The following AKR1A1 variants were observed in gnomAD, a reference collection of about 807,000 sequenced individuals.
The protein encoded by AKR1A1 is HEL-S-165mP.
Under a neutral mutation model 39.2 loss-of-function variants are expected in AKR1A1, and 26 were observed. The ratio of observed to expected loss-of-function variants is 0.66; its 90% CI spans 0.49 to 0.92. The LOEUF (loss-of-function observed/expected upper bound fraction) is 0.92. Ranked by LOEUF, AKR1A1 falls within the 40% of genes least tolerant of loss-of-function variation. AKR1A1 has a pLI of 0.00. For missense variants in AKR1A1, 378 were observed against 406.5 expected (o/e 0.93, Z 0.60); for synonymous variants, 141 against 155.5 (o/e 0.91, Z 0.69).
chr1:45,569,599 G>T (rs1448308585), intron 8 of AKR1A1, among the ~76,000 whole-genome samples: 2 of 152,188 alleles, frequency 1.3e-5, no homozygotes, highest in African/African-American at 2.4e-5. Flanking sequence ...CGAGGGATTG[G>T]GGTTGGGAGG....
chr1:45,554,658 T>G (rs749479660), intron 1 of AKR1A1, among the ~76,000 whole-genome samples: 14 of 152,176 alleles, frequency 9.2e-5, no homozygotes, highest in Non-Finnish European at 1.9e-4. Context: ...CATAAATGCC[T>G]GCAAGGAACT....
At chr1:45,562,805 C>T (rs542091923) in intron 2 of AKR1A1, among the ~76,000 whole-genome samples, 5 of 152,070 alleles carry the variant, frequency 3.3e-5, no homozygotes, top group East Asian at 2.0e-4. Context: ...CCACCTTGCC[C>T]GGCCACAAAC....
chr1:45,568,487 G>A lies in AKR1A1; in HGVS notation c.555G>A (p.Val185=), dbSNP rs1644374160. 6 of 1,613,598 alleles carry A rather than the reference G, an allele frequency of 3.7e-6. No individual in the cohort carries two copies. The highest frequency in any genetic ancestry group is 2.2e-5 in the East Asian group (1 of 44,886). Residue 185 remains valine, a splice_region_variant and synonymous_variant, in exon 6 of 9, where the codon GTG becomes GTA. Coordinates refer to ENST00000351829, the MANE Select transcript of AKR1A1 (RefSeq NM_153326.3). ...TGATGGGTTATTCTTTGGCTCAGGTGGAATGCCACCCATACTTGGCTCAAA... is the reference window on the plus strand; with the variant it reads ...TGATGGGTTATTCTTTGGCTCAGGTAGAATGCCACCCATACTTGGCTCAAA... ...VASVRPAVLQ[V]ECHPYLAQNE...
intron 2 of AKR1A1, 140 bp downstream of exon 2, chr1:45,562,018 C>T: frequency 3.8e-6 from 3 of 794,898 alleles, no homozygotes; most frequent in South Asian, 3.5e-5. Context: ...ACATCCTGGG[C>T]TTCCCCAGCT....
At chr1:45,555,615 C>T (rs557368177) in intron 1 of AKR1A1, among the ~76,000 whole-genome samples, 41 of 152,200 alleles carry the variant, frequency 2.7e-4, no homozygotes, top group African/African-American at 9.6e-4. Context: ...AATACTATGC[C>T]ATTTTATATA....
rs1416351373 is a variant in AKR1A1 at position 45,559,642 on chromosome 1, T to C, written c.-6-2147T>C. Among the ~76,000 whole-genome samples the C allele has an allele frequency of 3.2e-5, 4 of 124,126 alleles. No individual in the cohort carries two copies. The East Asian group carries it at 6.9e-4, about 21-fold the overall frequency. 81.4% of individuals were successfully genotyped at this position (124,126 alleles called of 152,430 possible). Reference sequence around the variant, plus strand: ...CTTTTCTCTTTTCTTTTCTTTTTTTTTTTTTTTTTTTTTTTTTTTGAGACG... The same window carrying C: ...CTTTTCTCTTTTCTTTTCTTTTTTTCTTTTTTTTTTTTTTTTTTTGAGACG... On this transcript the variant is annotated intron_variant, in intron 1 of 8. Coordinates refer to ENST00000351829, the MANE Select transcript of AKR1A1 (RefSeq NM_153326.3).
intron 1 of AKR1A1, 128 bp from the exon 2 acceptor site, chr1:45,561,661 C>A: frequency 1.2e-6 from 1 of 868,252 alleles, no homozygotes; most frequent in Admixed American, 2.3e-5. Flanking sequence ...GCCTCAGCCT[C>A]CCAAAGTGCT....
At chr1:45,569,284 C>T (rs1644385474) in intron 8 of AKR1A1, 55 bp downstream of exon 8, 1 of 1,477,862 alleles carries the variant, frequency 6.8e-7, no homozygotes, top group Admixed American at 1.7e-5. Flanking sequence ...GGGTGGGATT[C>T]TGGCCCAGGT....
intron 2 of AKR1A1, among the ~76,000 whole-genome samples, chr1:45,566,271 G>A (rs1644342557): frequency 6.6e-6 from 1 of 152,054 alleles, no homozygotes. Context: ...ACCACACCTG[G>A]CTAATTTTGT....
intron 4 of AKR1A1, chr1:45,567,671 C>G (rs548642295): frequency 5.3e-6 from 1 of 189,540 alleles, no homozygotes; most frequent in African/African-American, 2.4e-5. Context: ...ACTAAAAATA[C>G]AAAAAATTAG....
At chr1:45,560,853 A>G (rs1251819600) in intron 1 of AKR1A1, among the ~76,000 whole-genome samples, 2 of 150,010 alleles carry the variant, frequency 1.3e-5, no homozygotes, top group East Asian at 4.0e-4. Flanking sequence ...TCAGCCTCCC[A>G]GGTAGCTGGG....
chr1:45,568,603 A>T lies in AKR1A1; in HGVS notation c.671A>T (p.Asp224Val), dbSNP rs1417957195. The part of the protein sequence containing the change: ...GSSDRAWRDP[D>V]EPVLLEEPVV... ...TCTGATCGTGCATGGCGTGATCCTG[A>T]TGAGCCTGTCCTGCTGGAGGAACCA... Residue 224 changes from aspartate (D) to valine (V), a missense_variant, in exon 6 of 9, where the codon GAT becomes GTT. Physicochemically the swap from Asp to Val is radical, Grantham distance 152. Transcript: ENST00000351829. 6.2e-7 allele frequency: 1 copy of T among 1,614,020 alleles called. No homozygotes were observed. The highest frequency in any genetic ancestry group is 1.1e-5 in the South Asian group (1 of 91,068).
chr1:45,565,807 G>T (rs1157536860), intron 2 of AKR1A1, among the ~76,000 whole-genome samples: 5 of 151,024 alleles, frequency 3.3e-5, no homozygotes, highest in African/African-American at 1.2e-4. Flanking sequence ...AGAGGTGGGG[G>T]TCTCACTATG....
rs142528864 is a variant in AKR1A1, at chr1:45,563,947, G to A, written c.84+2069G>A. Among the ~76,000 whole-genome samples the A allele has an allele frequency of 4.5e-4, 69 of 152,362 alleles. 1 individual carries two copies. The highest frequency in any genetic ancestry group is 7.5e-4 in the Non-Finnish European group (51 of 68,046). On this transcript the variant is annotated intron_variant, in intron 2 of 8. Coordinates refer to ENST00000351829, the MANE Select transcript of AKR1A1 (RefSeq NM_153326.3). ...ATGGACCTGCTCTCTCAGGGTGGACGTAGCTATGAGATTTGGCTCCTGCCT... is the reference window on the plus strand; with the variant it reads ...ATGGACCTGCTCTCTCAGGGTGGACATAGCTATGAGATTTGGCTCCTGCCT...
rs1264695528 is a variant in AKR1A1, at chr1:45,556,836, C to T, written c.-6-4953C>T. On this transcript the variant is annotated intron_variant, in intron 1 of 8. Coordinates refer to ENST00000351829, the MANE Select transcript of AKR1A1 (RefSeq NM_153326.3). ...AGGTTGTGGTGAGCCAAGATTGCGT[C>T]ATTGCCCTCCAGCCTGGGCAAGAAG... Among the ~76,000 whole-genome samples, 6 of 151,810 alleles carry T rather than the reference C, an allele frequency of 4.0e-5. No homozygotes were observed. The East Asian group carries it at 1.2e-3, about 29-fold the overall frequency.
In AKR1A1 at chr1:45,566,879, G is replaced by T. The variant is rs147072115; in HGVS notation, c.215G>T (p.Arg72Leu). ...EDVGPGKAVP[R>L]EELFVTSKLW... ...TGCCCCCTGCACTAGGCGGTGCCTC[G>T]GGAGGAGCTGTTTGTGACATCCAAG... Residue 72 changes from arginine to leucine, a missense_variant, in exon 4 of 9, where the codon CGG becomes CTG. Transcript: ENST00000351829. 1.2e-6 allele frequency: 2 copies of T among 1,613,876 alleles called. No individual in the cohort carries two copies. Among genetic ancestry groups the T allele is most frequent in the East Asian group, 4.5e-5 (2 of 44,884 alleles).
intron 2 of AKR1A1, 149 bp from the exon 3 acceptor site, chr1:45,566,420 G>T: frequency 1.6e-6 from 2 of 1,233,438 alleles, no homozygotes; most frequent in Non-Finnish European, 2.2e-6. Flanking sequence ...GAGCCACCGC[G>T]CCCAGTTCAT....
At position 45,568,673 on chromosome 1, in the gene AKR1A1, G is replaced by C; in HGVS notation, c.741G>C (p.Gln247His). ...LAEKYGRSPA[Q>H]ILLRWQVQRK... ...AAAAGTATGGCCGATCTCCAGCTCA[G>C]ATCTTGCTCAGGTATGGGGCAGTCT... The change falls in exon 6 of 9, where the codon CAG becomes CAC. Residue 247 changes from glutamine to histidine, a missense_variant. Physicochemically the swap from Gln to His is conservative, Grantham distance 24. Transcript: ENST00000351829. The C allele has an allele frequency of 6.2e-7, 1 of 1,613,560 alleles. No homozygotes were observed. The highest frequency in any genetic ancestry group is 8.5e-7 in the Non-Finnish European group (1 of 1,179,878).
At chr1:45,566,793 C>G in intron 3 of AKR1A1, 76 bp from the exon 4 acceptor site, 1 of 1,594,348 alleles carries the variant, frequency 6.3e-7, no homozygotes, top group East Asian at 2.2e-5. Flanking sequence ...CCTTCCAGTT[C>G]CTCTCCCAGA....
Sources: allele counts gnomAD v4.1 joint callset (sites outside exome capture counted in the v4.1 genomes callset), GRCh38; gene constraint gnomAD v4.1.1; transcripts MANE v1.5; gene names NCBI Gene and HGNC (gene_info 2026-07-23, HGNC 2026-07-21).